The following MARCHF1 variants were observed in gnomAD, a reference collection of about 807,000 sequenced individuals.
The protein encoded by MARCHF1 is membrane associated ring-CH-type finger 1.
A neutral mutation model predicts 54.2 loss-of-function variants in MARCHF1; 40 were observed. The ratio of observed to expected loss-of-function variants is 0.74; its 90% confidence interval spans 0.57 to 0.96. The LOEUF (loss-of-function observed/expected upper bound fraction) is 0.96, where lower values mean the gene tolerates loss of function less well. Ranked by LOEUF, MARCHF1 falls within the 40% of genes least tolerant of loss-of-function variation. The probability of loss-of-function intolerance (pLI) is 0.00; values close to 1 mark genes in which losing one functional copy is unlikely to be tolerated. For missense variants in MARCHF1, 586 were observed against 656.5 expected (o/e 0.89, Z 1.17); for synonymous variants, 236 against 236.3 (o/e 1.00, Z 0.01).
chr4:164,270,869 T>C (rs1333836194), intron 1 of MARCHF1, among the ~76,000 whole-genome samples: 2 of 152,094 alleles, frequency 1.3e-5, no homozygotes, highest in East Asian at 3.9e-4. Context: ...AACAAAGCAT[T>C]TCTAAAATGT....
At position 164,204,790 on chromosome 4, in the gene MARCHF1, A is replaced by G. The variant is rs150169839; in HGVS notation, c.-322-93128T>C. On this transcript the variant is annotated intron_variant, in intron 1 of 9. Transcript: ENST00000514618. ...AGTACTGAGAATTTTCTCAGCAGTG[A>G]CACTTCCAGCCTTATTCAGCTTCAT... Among the ~76,000 whole-genome samples the G allele has an allele frequency of 8.5e-5, 13 of 152,322 alleles. No homozygotes were observed. In the East Asian group the frequency reaches 2.5e-3, roughly 29 times the overall value.
chr4:163,655,496 G>A (rs893526143), intron 5 of MARCHF1, among the ~76,000 whole-genome samples: 4 of 151,690 alleles, frequency 2.6e-5, no homozygotes, highest in Non-Finnish European at 4.4e-5. Flanking sequence ...TAGATGGATC[G>A]TCAAGTCAGA....
chr4:164,050,926 C>T (rs991898073), intron 2 of MARCHF1, among the ~76,000 whole-genome samples: 5 of 152,210 alleles, frequency 3.3e-5, no homozygotes, highest in East Asian at 1.9e-4. Flanking sequence ...CAGCAAAACT[C>T]TGTCTCAATA....
chr4:163,983,402 T>C (rs1218867122), intron 3 of MARCHF1, among the ~76,000 whole-genome samples: 2 of 152,190 alleles, frequency 1.3e-5, no homozygotes, highest in Non-Finnish European at 2.9e-5. Flanking sequence ...ACCATTATTA[T>C]TTATTTTTTC....
At chr4:163,536,163 CTTATA>C (rs1474290391) in intron 9 of MARCHF1, among the ~76,000 whole-genome samples, 1 of 152,138 alleles carries the variant, frequency 6.6e-6, no homozygotes, top group African/African-American at 2.4e-5. Context: ...TTGCTGTAAA[CTTATA>C]TTAAGCAGTA....
At chr4:164,131,992 AC>A (rs1313576092) in intron 1 of MARCHF1, among the ~76,000 whole-genome samples, 38 of 152,178 alleles carry the variant, frequency 2.5e-4, no homozygotes, top group African/African-American at 8.7e-4. Flanking sequence ...AACTTGAATT[AC>A]TACTTGAAAA....
At chr4:164,039,865 C>A (rs946575073) in intron 2 of MARCHF1, among the ~76,000 whole-genome samples, 73 of 151,404 alleles carry the variant, frequency 4.8e-4, no homozygotes, top group African/African-American at 1.6e-3. Flanking sequence ...TTACAAACAT[C>A]AGTTCTACCT....
chr4:164,020,694 G>T (rs1462835740), intron 2 of MARCHF1, among the ~76,000 whole-genome samples: 1 of 152,192 alleles, frequency 6.6e-6, no homozygotes, highest in Non-Finnish European at 1.5e-5. Context: ...CATTTTGGGA[G>T]GCAAGGCAGG....
intron 2 of MARCHF1, among the ~76,000 whole-genome samples, chr4:164,071,846 A>G (rs1349151197): frequency 3.9e-5 from 6 of 152,206 alleles, no homozygotes; most frequent in Non-Finnish European, 8.8e-5. Context: ...CCACCATGGC[A>G]CATATATGAA....
At chr4:163,774,502 C>CTTTTTTTT (rs369862555) in intron 4 of MARCHF1, among the ~76,000 whole-genome samples, 1 of 137,868 alleles carries the variant, frequency 7.3e-6, no homozygotes, top group African/African-American at 2.7e-5. Flanking sequence ...AAGTGTTAGG[C>CTTTTTTTT]TTTTTTTTTT....
intron 1 of MARCHF1, among the ~76,000 whole-genome samples, chr4:164,161,943 C>G (rs982390465): frequency 7.9e-5 from 12 of 152,070 alleles, no homozygotes; most frequent in Admixed American, 7.9e-4. Context: ...TTGGAGAAAC[C>G]CATGTTTATT....
intron 5 of MARCHF1, among the ~76,000 whole-genome samples, chr4:163,681,377 G>A (rs948076678): frequency 2.4e-4 from 37 of 152,200 alleles, no homozygotes; most frequent in Non-Finnish European, 2.8e-4. Context: ...GAACTGGCAT[G>A]TACAGTTACA....
At position 164,087,807 on chromosome 4, in the gene MARCHF1, GTT is replaced by G. The variant is rs10706800; in HGVS notation, c.-248+23779_-248+23780del. On this transcript the variant is annotated intron_variant, in intron 2 of 9. Transcript: ENST00000514618. ...TCCTTAATTGATAGCTTTTTTCTGT[GTT>G]TTTTTTTTTTCTGTGCCTCATAGCA... Among the ~76,000 whole-genome samples, 714 of 147,168 alleles carry G rather than the reference GTT, an allele frequency of 4.9e-3. 3 individuals carry two copies. Among genetic ancestry groups the G allele is most frequent in the South Asian group, 0.017 (82 of 4,690 alleles).
At chr4:164,157,521 GA>G (rs1730109615) in intron 1 of MARCHF1, among the ~76,000 whole-genome samples, 1 of 152,112 alleles carries the variant, frequency 6.6e-6, no homozygotes, top group Admixed American at 6.6e-5. Flanking sequence ...GAGTAGATTA[GA>G]ACAACAGAAA....
intron 3 of MARCHF1, among the ~76,000 whole-genome samples, chr4:163,887,067 G>T (rs550926625): frequency 3.9e-4 from 59 of 152,082 alleles, no homozygotes; most frequent in Non-Finnish European, 7.8e-4. Context: ...TATATTTATT[G>T]AATGGAATTA....
chr4:163,739,623 TAA>T (rs1362740204), intron 4 of MARCHF1, among the ~76,000 whole-genome samples: 3 of 152,184 alleles, frequency 2.0e-5, no homozygotes, highest in African/African-American at 7.2e-5. Context: ...TAAAATAGTA[TAA>T]GAGATAATCA....
chr4:163,953,594 A>G (rs1752175580), intron 3 of MARCHF1, among the ~76,000 whole-genome samples: 1 of 152,138 alleles, frequency 6.6e-6, no homozygotes, highest in African/African-American at 2.4e-5. Context: ...TAATAAACCC[A>G]TAGTCAATAG....
At chr4:164,206,913 A>G (rs1034642171) in intron 1 of MARCHF1, among the ~76,000 whole-genome samples, 1 of 152,112 alleles carries the variant, frequency 6.6e-6, no homozygotes, top group Non-Finnish European at 1.5e-5. Context: ...TTTAAATTAT[A>G]ATTAACAAGT....
chr4:164,301,343 T>C (rs557554759), intron 1 of MARCHF1, among the ~76,000 whole-genome samples: 1 of 152,134 alleles, frequency 6.6e-6, no homozygotes, highest in Non-Finnish European at 1.5e-5. Flanking sequence ...GAAAATGAAA[T>C]GAGGTCCTAC....
Sources: gnomAD v4.1 joint callset for allele counts (sites outside exome capture counted in the v4.1 genomes callset) on GRCh38, gnomAD v4.1.1 for gene constraint, MANE v1.5 for transcripts, NCBI Gene and HGNC (gene_info 2026-07-23, HGNC 2026-07-21) for gene names.